Variants in SYT7 observed in about 807,000 individuals in gnomAD.
The protein encoded by SYT7 is synaptotagmin 7.
Under a neutral mutation model 75.1 loss-of-function variants are expected in SYT7, and 29 were observed. The observed-to-expected ratio is 0.39, with a 90% CI of 0.29 to 0.53. The LOEUF is 0.53. SYT7 is among the 20% of genes least tolerant of loss of function. The pLI is 0.77. For missense variants in SYT7, 693 were observed against 953.2 expected, an observed-to-expected ratio of 0.73 and a Z score of 3.59; for synonymous variants, 376 against 401.7, an observed-to-expected ratio of 0.94 and a Z score of 0.76.
Position 61,516,520 on chromosome 11 carries a change from G to A in SYT7, c.*2107C>T, listed in dbSNP as rs1192057487. 6.6e-6 allele frequency: 1 copy of A among 152,152 alleles called. No individual in the cohort carries two copies. The highest frequency in any genetic ancestry group is 1.5e-5 in the Non-Finnish European group (1 of 68,066). The allele number at this position is 152,152 out of a possible 1,614,324, so 9.4% of individuals were successfully genotyped here. ...GCGGTCTTCCGCGGGGCAGGCGGGT[G>A]GTGGGGGGACAGGAAACCGAGGCGG... On this transcript the variant is annotated 3_prime_UTR_variant, in exon 13 of 13. Transcript: ENST00000539008. This position sits in a 1 kb window ranked among gnomAD's most constrained non-coding sequence, Gnocchi z 4.6.
rs199499376 is a variant in SYT7 at position 61,551,505 on chromosome 11, G to A, written c.136-42C>T. 1.9e-6 allele frequency: 3 copies of A among 1,594,602 alleles called. No homozygotes were observed. The highest frequency in any genetic ancestry group is 2.7e-5 in the African/African-American group (2 of 74,554). On this transcript the variant is annotated intron_variant, in intron 2 of 12. Coordinates refer to ENST00000539008, the MANE Select transcript of SYT7 (RefSeq NM_001365809.2). This position sits in a 1 kb window ranked among gnomAD's most constrained non-coding sequence, Gnocchi z 5.3. ...AGGATCACTCCTGGGGAACAGGACT[G>A]TACCCTCCCTACCTCCCCAGAACAG...
In SYT7 at chr11:61,515,038, G is replaced by C. The variant is rs1269987462; in HGVS notation, c.*3589C>G. Among the ~76,000 whole-genome samples the C allele has an allele frequency of 6.6e-6, 1 of 152,244 alleles. No homozygotes were observed. Among genetic ancestry groups the C allele is most frequent in the Non-Finnish European group, 1.5e-5 (1 of 68,046 alleles). ...CCCTGGAGGGCACCCCTGAGGCCTA[G>C]AGAGGACTCTACTCCCAAAAAGCCT... On this transcript the variant is annotated 3_prime_UTR_variant, in exon 13 of 13. Coordinates refer to ENST00000539008, the MANE Select transcript of SYT7 (RefSeq NM_001365809.2).
At chr11:61,555,978 G>C in intron 2 of SYT7, 126 bp downstream of exon 2, 1 of 791,376 alleles carries the variant, frequency 1.3e-6, no homozygotes, top group South Asian at 1.8e-5. Context: ...TGACTATGCG[G>C]ACAGGTGAGT....
Position 61,517,287 on chromosome 11 carries a change from G to C in SYT7, c.*1340C>G, listed in dbSNP as rs909655795. On this transcript the variant is annotated 3_prime_UTR_variant, in exon 13 of 13. Transcript: ENST00000539008. The stretch of plus-strand genomic sequence containing the variant: ...GCCAGTTTTAGTCTCATCAGTGGCC[G>C]AGGCAGAGAAACCACAGCTTCTTTG... 1 of 398,676 alleles carries C rather than the reference G, an allele frequency of 2.5e-6. No homozygotes were observed. Among genetic ancestry groups the C allele is most frequent in the East Asian group, 3.6e-5 (1 of 28,080 alleles). The allele number at this position is 398,676 out of a possible 1,614,324, so 24.7% of individuals were successfully genotyped here. A position where few individuals can be genotyped will look rare whatever the true frequency, so the allele number is the denominator to read the frequency against.
rs2063056468 is a variant in SYT7, at chr11:61,542,035, G to A, written c.941+176C>T. The stretch of plus-strand genomic sequence containing the variant: ...AGGTGGCTGAGAATTCTTCCGTGGT[G>A]GCCTTCAGGCAGGAGCCACAAGAGG... On this transcript the variant is annotated intron_variant, in intron 6 of 12. Coordinates refer to ENST00000539008, the MANE Select transcript of SYT7 (RefSeq NM_001365809.2). This position sits in a 1 kb window ranked among gnomAD's most constrained non-coding sequence, Gnocchi z 7.8. Among the ~76,000 whole-genome samples the A allele has an allele frequency of 6.6e-6, 1 of 152,160 alleles. No individual in the cohort carries two copies. Among genetic ancestry groups the A allele is most frequent in the African/African-American group, 2.4e-5 (1 of 41,434 alleles).
Position 61,517,556 on chromosome 11 carries a change from A to G in SYT7, c.*1071T>C. 1 of 399,756 alleles carries G rather than the reference A, an allele frequency of 2.5e-6. No homozygotes were observed. The highest frequency in any genetic ancestry group is 4.4e-6 in the Non-Finnish European group (1 of 226,752). 24.8% of individuals were successfully genotyped at this position (399,756 alleles called of 1,614,324 possible). A position where few individuals can be genotyped will look rare whatever the true frequency, so the allele number is the denominator to read the frequency against. On this transcript the variant is annotated 3_prime_UTR_variant, in exon 13 of 13. Coordinates refer to ENST00000539008, the MANE Select transcript of SYT7 (RefSeq NM_001365809.2). ...GGAGGAAAGAAGGGTGGAGGTCTGC[A>G]CAGGCAGGGAGAGATGAGGAAGGGC...
chr11:61,586,989 T>C, the SYT7 span, among the ~76,000 whole-genome samples: 1 of 152,220 alleles, frequency 6.6e-6, no homozygotes. Flanking sequence ...CAAATGCTTT[T>C]TGATCCTCCG....
chr11:61,536,096 T>C (rs1008661440), intron 7 of SYT7, among the ~76,000 whole-genome samples: 1 of 151,582 alleles, frequency 6.6e-6, no homozygotes. Context: ...AGCACCCCAG[T>C]GGCCATGAGA....
At chr11:61,558,483 TATAC>T (rs1271096756) in intron 1 of SYT7, among the ~76,000 whole-genome samples, 32 of 139,438 alleles carry the variant, frequency 2.3e-4, no homozygotes, top group African/African-American at 9.5e-4. Flanking sequence ...AAAATATATA[TATAC>T]ACACACACAC....
intron 1 of SYT7, among the ~76,000 whole-genome samples, chr11:61,569,509 C>T (rs1364293520): frequency 6.6e-6 from 1 of 152,086 alleles, no homozygotes; most frequent in East Asian, 1.9e-4. Flanking sequence ...TCTGGGGCAG[C>T]AGAGGGAGCC....
Position 61,518,551 on chromosome 11 carries a change from C to A in SYT7, c.*76G>T. Reference sequence around the variant, plus strand: ...CCTCCCTATGGCAGGGGGCTCAGGCCGGGCGTTGTGCATAAAGTGGTGAGG... The same window carrying A: ...CCTCCCTATGGCAGGGGGCTCAGGCAGGGCGTTGTGCATAAAGTGGTGAGG... On this transcript the variant is annotated 3_prime_UTR_variant, in exon 13 of 13. Transcript: ENST00000539008. 9.1e-7 allele frequency: 1 copy of A among 1,102,270 alleles called. No individual in the cohort carries two copies. Among genetic ancestry groups the A allele is most frequent in the Admixed American group, 2.6e-5 (1 of 38,756 alleles). 68.3% of individuals were successfully genotyped at this position (1,102,270 alleles called of 1,614,324 possible). A position where few individuals can be genotyped will look rare whatever the true frequency, so the allele number is the denominator to read the frequency against.
chr11:61,539,997 G>C (rs955080243), intron 6 of SYT7: 6 of 152,198 alleles, frequency 3.9e-5, no homozygotes, highest in African/African-American at 1.4e-4. Flanking sequence ...TCGGGAGCTA[G>C]TTGTGCTGGG....
At chr11:61,533,339 T>G in intron 7 of SYT7, 2 of 985,438 alleles carry the variant, frequency 2.0e-6, no homozygotes, top group Non-Finnish European at 1.2e-6. Flanking sequence ...CCCAGGCGAC[T>G]GTGGCTTAAC....
intron 7 of SYT7, chr11:61,533,457 G>A: frequency 1.0e-6 from 1 of 985,364 alleles, no homozygotes; most frequent in Non-Finnish European, 1.2e-6. Flanking sequence ...GGTGGCCACT[G>A]CCCCCAGTCC....
At position 61,569,485 on chromosome 11, in the gene SYT7, A is replaced by G. The variant is rs545616597; in HGVS notation, c.31+11305T>C. On this transcript the variant is annotated intron_variant, in intron 1 of 12. Transcript: ENST00000539008. ...TGAACATGTCCATGCAGAGTAAGTG[A>G]GAGAGACCTGGGCTCTGGGGCAGCA... Among the ~76,000 whole-genome samples, 12 of 152,246 alleles carry G rather than the reference A, an allele frequency of 7.9e-5. No individual in the cohort carries two copies. The South Asian group carries it at 2.5e-3, about 32-fold the overall frequency.
rs1471018359 is a variant in SYT7 at position 61,551,182 on chromosome 11, C to T, written c.215+202G>A. Among the ~76,000 whole-genome samples the T allele has an allele frequency of 6.6e-6, 1 of 152,004 alleles. No homozygotes were observed. Among genetic ancestry groups the T allele is most frequent in the Non-Finnish European group, 1.5e-5 (1 of 67,990 alleles). Reference sequence around the variant, plus strand: ...GAAACGGAGGCCAGGGACTCCGGAGCACTACGAGGGGCTTGGGCACAGGCA... The same window carrying T: ...GAAACGGAGGCCAGGGACTCCGGAGTACTACGAGGGGCTTGGGCACAGGCA... On this transcript the variant is annotated intron_variant, in intron 3 of 12. Transcript: ENST00000539008. This position sits in a 1 kb window ranked among gnomAD's most constrained non-coding sequence, Gnocchi z 5.3.
chr11:61,528,107 C>G lies in SYT7; in HGVS notation c.1279G>C (p.Gly427Arg). Reference protein sequence around the residue: ...ENLGRIQFSVGYNFQESTLTV... With the variant: ...ENLGRIQFSVRYNFQESTLTV... ...AGCGTGGACTCCTGGAAGTTGTAGC[C>G]GACACTGAACTGGATCCGGCCCAGG... The change falls in exon 9 of 13, where the codon GGC (glycine) becomes CGC (arginine). Residue 427 changes from glycine to arginine, a missense_variant. Gly to Arg is a moderately radical substitution (Grantham distance 125). Transcript: ENST00000539008. The G allele has an allele frequency of 6.2e-7, 1 of 1,613,688 alleles. No homozygotes were observed. Among genetic ancestry groups the G allele is most frequent in the Non-Finnish European group, 8.5e-7 (1 of 1,180,008 alleles).
chr11:61,536,502 C>A (rs1435772818), intron 7 of SYT7, among the ~76,000 whole-genome samples: 1 of 152,240 alleles, frequency 6.6e-6, no homozygotes, highest in Non-Finnish European at 1.5e-5. Flanking sequence ...CAGTGGCCCT[C>A]TGACTGCCCT....
chr11:61,540,870 CACCTGGAAG>C, intron 6 of SYT7: 1 of 985,526 alleles, frequency 1.0e-6, no homozygotes, highest in Non-Finnish European at 1.2e-6. Context: ...AACAAACCGC[CACCTGGAAG>C]ACCGGAGGCT....
Sources: gnomAD v4.1 joint callset for allele counts (sites outside exome capture counted in the v4.1 genomes callset) on GRCh38, gnomAD v4.1.1 for gene constraint, Gnocchi (gnomAD v3.1) non-coding constraint, MANE v1.5 for transcripts, NCBI Gene and HGNC (gene_info 2026-07-23, HGNC 2026-07-21) for gene names.